The following DGKB variants were observed in gnomAD, a reference collection of about 807,000 sequenced individuals.
DGKB encodes 90 kDa diacylglycerol kinase.
DGKB carries 67 observed loss-of-function variants against 114.3 expected under a neutral mutation model. That is an observed-to-expected ratio of 0.59 (90% CI 0.48 to 0.72). DGKB has a LOEUF of 0.72. Ranked by LOEUF, DGKB falls within the 30% of genes least tolerant of loss-of-function variation. The pLI is 0.00. For synonymous variants in DGKB, 398 were observed against 323.1 expected (o/e 1.23, Z -2.49); for missense variants, 907 against 975.2 (o/e 0.93, Z 0.93).
intron 21 of DGKB, among the ~76,000 whole-genome samples, chr7:14,347,499 T>C (rs1348955668): frequency 6.6e-6 from 1 of 151,972 alleles, no homozygotes; most frequent in Admixed American, 6.6e-5. Context: ...GACCTTATGC[T>C]AAGTGAAGGA....
At chr7:14,962,210 T>C (rs1399840986) in intron 1 of DGKB, among the ~76,000 whole-genome samples, 1 of 152,058 alleles carries the variant, frequency 6.6e-6, no homozygotes, top group African/African-American at 2.4e-5. Context: ...TAGAGAAAAA[T>C]CTTGTATATC....
intron 5 of DGKB, among the ~76,000 whole-genome samples, chr7:14,726,830 T>G (rs1461825704): frequency 6.6e-6 from 1 of 152,216 alleles, no homozygotes; most frequent in Non-Finnish European, 1.5e-5. Context: ...ACAATAAATA[T>G]TCAGGACCCT....
In DGKB at chr7:14,217,737, C is replaced by T. The variant is rs185269459; in HGVS notation, c.2123-39586G>A. Among the ~76,000 whole-genome samples the T allele has an allele frequency of 2.0e-5, 3 of 152,156 alleles. No homozygotes were observed. In the East Asian group the frequency reaches 5.8e-4, roughly 29 times the overall value. On this transcript the variant is annotated intron_variant, in intron 23 of 25. Coordinates refer to ENST00000402815, the MANE Select transcript of DGKB (RefSeq NM_001350709.2). ...ATTTTCCACATGGAGCTCAAACTATCTAGTCCCTTACGCTTTCCCTGTGAG... is the reference window on the plus strand; with the variant it reads ...ATTTTCCACATGGAGCTCAAACTATTTAGTCCCTTACGCTTTCCCTGTGAG...
chr7:14,180,322 A>C (rs1782448737), intron 23 of DGKB, among the ~76,000 whole-genome samples: 2 of 152,336 alleles, frequency 1.3e-5, no homozygotes, highest in African/African-American at 4.8e-5. Flanking sequence ...TTCATGAATC[A>C]CAGGGATCTG....
chr7:14,355,097 C>T (rs1469039903), intron 21 of DGKB, among the ~76,000 whole-genome samples: 1 of 152,070 alleles, frequency 6.6e-6, no homozygotes, highest in African/African-American at 2.4e-5. Flanking sequence ...GTTCCCCCAT[C>T]CTCTTTCTGC....
intron 1 of DGKB, among the ~76,000 whole-genome samples, chr7:14,949,029 A>G (rs1447403802): frequency 6.6e-6 from 1 of 151,854 alleles, no homozygotes. Context: ...AAGAAACAAA[A>G]CACAAATTGA....
At chr7:14,376,742 A>G (rs1345360899) in intron 21 of DGKB, among the ~76,000 whole-genome samples, 1 of 152,176 alleles carries the variant, frequency 6.6e-6, no homozygotes, top group African/African-American at 2.4e-5. Flanking sequence ...GTGAGAAGCC[A>G]TTTTATGAAC....
chr7:14,693,260 A>T (rs771993596), intron 9 of DGKB, among the ~76,000 whole-genome samples: 1 of 152,142 alleles, frequency 6.6e-6, no homozygotes. Context: ...TATACATAGT[A>T]TATCTAATTA....
chr7:14,715,084 A>T (rs953212402), intron 6 of DGKB, among the ~76,000 whole-genome samples: 1 of 152,154 alleles, frequency 6.6e-6, no homozygotes, highest in Non-Finnish European at 1.5e-5. Context: ...GTCCTGAGGA[A>T]GTTTTAAAAA....
At chr7:14,764,397 C>T (rs1433553520) in intron 2 of DGKB, among the ~76,000 whole-genome samples, 1 of 151,326 alleles carries the variant, frequency 6.6e-6, no homozygotes. Context: ...TTTCCCTTAG[C>T]TACATAGTAC....
At chr7:14,880,303 C>G (rs1854025080) in intron 1 of DGKB, among the ~76,000 whole-genome samples, 3 of 152,034 alleles carry the variant, frequency 2.0e-5, no homozygotes, top group Admixed American at 2.0e-4. Context: ...ACTAAAAATA[C>G]AAAAATTAGC....
chr7:14,244,627 G>T (rs966647000), intron 23 of DGKB, among the ~76,000 whole-genome samples: 9 of 138,702 alleles, frequency 6.5e-5, no homozygotes, highest in Non-Finnish European at 9.1e-5. Context: ...CTGAGATCAC[G>T]CCACTGCAAT....
At chr7:14,293,596 C>G (rs1217612399) in intron 23 of DGKB, among the ~76,000 whole-genome samples, 1 of 152,150 alleles carries the variant, frequency 6.6e-6, no homozygotes, top group African/African-American at 2.4e-5. Context: ...CCAAAAATAA[C>G]TAATGGTAAC....
intron 1 of DGKB, among the ~76,000 whole-genome samples, chr7:14,926,697 A>G (rs73287046): frequency 1.2e-3 from 179 of 151,884 alleles, no homozygotes; most frequent in African/African-American, 4.0e-3. Flanking sequence ...TATATTTAAC[A>G]TAAGTATTTT....
intron 20 of DGKB, among the ~76,000 whole-genome samples, chr7:14,558,407 T>A (rs1353872796): frequency 6.6e-6 from 1 of 152,160 alleles, no homozygotes; most frequent in African/African-American, 2.4e-5. Context: ...TTCCTTTTTA[T>A]TTCAACTTTG....
At chr7:14,890,329 T>C (rs1780993187) in intron 1 of DGKB, among the ~76,000 whole-genome samples, 1 of 151,588 alleles carries the variant, frequency 6.6e-6, no homozygotes, top group Non-Finnish European at 1.5e-5. Flanking sequence ...TTTTGATAGA[T>C]GAGAAATGTA....
intron 2 of DGKB, among the ~76,000 whole-genome samples, chr7:14,804,862 G>C (rs1842605425): frequency 6.6e-6 from 1 of 151,692 alleles, no homozygotes; most frequent in Non-Finnish European, 1.5e-5. Flanking sequence ...AAGTACACCT[G>C]TTATTTTTTT....
At chr7:14,693,708 C>A (rs1823311191) in intron 9 of DGKB, among the ~76,000 whole-genome samples, 1 of 151,808 alleles carries the variant, frequency 6.6e-6, no homozygotes, top group Admixed American at 6.6e-5. Flanking sequence ...GTAGGAGGAA[C>A]ATTGAAATAA....
intron 4 of DGKB, among the ~76,000 whole-genome samples, chr7:14,741,454 T>A (rs1832571142): frequency 6.6e-6 from 1 of 152,196 alleles, no homozygotes; most frequent in Admixed American, 6.6e-5. Context: ...GATAAGGACC[T>A]AGGACCCCAT....
Sources: allele counts gnomAD v4.1 joint callset (sites outside exome capture counted in the v4.1 genomes callset), GRCh38; gene constraint gnomAD v4.1.1; transcripts MANE v1.5; gene names NCBI Gene and HGNC (gene_info 2026-07-23, HGNC 2026-07-21).